The following PCDHA6 variants were observed in gnomAD, a reference collection of about 807,000 sequenced individuals.
PCDHA6 encodes protocadherin alpha-6.
In PCDHA6, 55 loss-of-function variants were observed where a neutral mutation model predicts 60.3. That is an observed-to-expected ratio of 0.91 (90% CI 0.73 to 1.14). PCDHA6 has a LOEUF of 1.14. Ranked by LOEUF, PCDHA6 falls within the 50% of genes most tolerant of loss-of-function variation. The probability of loss-of-function intolerance (pLI) is 0.00; values close to 1 mark genes in which losing one functional copy is unlikely to be tolerated. For synonymous variants in PCDHA6, 652 were observed against 557.9 expected (o/e 1.17, Z -2.38); for missense variants, 1,327 against 1,256.5 (o/e 1.06, Z -0.85).
intron 1 of PCDHA6, among the ~76,000 whole-genome samples, chr5:140,931,040 A>G (rs2087258988): frequency 6.6e-6 from 1 of 152,242 alleles, no homozygotes; most frequent in South Asian, 2.1e-4. Flanking sequence ...GCTAGCAAGA[A>G]AAACTTCAAT....
chr5:140,877,458 G>T lies in PCDHA6; in HGVS notation c.2394+46973G>T, dbSNP rs200155876. 8.2e-5 allele frequency: 133 copies of T among 1,613,696 alleles called. 1 individual carries two copies. The highest frequency in any genetic ancestry group is 2.5e-5 in the Non-Finnish European group (30 of 1,179,864). ...ACGGTGAGCCCGCGCTGACGTCCAC[G>T]GCCACGGTGCTGGTGTCGCTGGTGG... On this transcript the variant is annotated intron_variant, in intron 1 of 3. Transcript: ENST00000529310.
intron 1 of PCDHA6, chr5:140,869,228 G>A (rs782726206): frequency 6.2e-7 from 1 of 1,613,764 alleles, no homozygotes; most frequent in Non-Finnish European, 8.5e-7. Context: ...GCCAAACACG[G>A]CACCTTCGTG....
chr5:140,970,423 G>A (rs2096404787), intron 1 of PCDHA6, among the ~76,000 whole-genome samples: 1 of 151,762 alleles, frequency 6.6e-6, no homozygotes, highest in Admixed American at 6.6e-5. Context: ...AAGGTGTAGA[G>A]GCAGGTGTTA....
In PCDHA6 at chr5:140,850,682, G is replaced by C. The variant is rs2150493727; in HGVS notation, c.2394+20197G>C. On this transcript the variant is annotated intron_variant, in intron 1 of 3. Coordinates refer to ENST00000529310, the MANE Select transcript of PCDHA6 (RefSeq NM_018909.4). The stretch of plus-strand genomic sequence containing the variant: ...TGCGGTGCTCGGCGATGCCCACCGA[G>C]GGCGAGTGCGCGCCTGGCAAGCCGA... The C allele has an allele frequency of 3.1e-5, 50 of 1,598,558 alleles. 3 individuals carry two copies. In the East Asian group the frequency reaches 1.1e-3, roughly 35 times the overall value.
At position 140,828,494 on chromosome 5, in the gene PCDHA6, G is replaced by C. The variant is rs1333830874; in HGVS notation, c.403G>C (p.Val135Leu). Residue 135 changes from valine to leucine, a missense_variant, in exon 1 of 4, where the codon GTA becomes CTA. By Grantham distance (32) the Val-to-Leu change is conservative. Coordinates refer to ENST00000529310, the MANE Select transcript of PCDHA6 (RefSeq NM_018909.4). ...TAACGACAACCCGCCCTTGTTCCCGGTAGAGGAACAAAGAGTGCTGATTTA... is the reference window on the plus strand; with the variant it reads ...TAACGACAACCCGCCCTTGTTCCCGCTAGAGGAACAAAGAGTGCTGATTTA... ...DINDNPPLFP[V>L]EEQRVLIYES... 6.2e-7 allele frequency: 1 copy of C among 1,614,144 alleles called. No homozygotes were observed.
chr5:141,006,029 G>A (rs539375544), intron 3 of PCDHA6, among the ~76,000 whole-genome samples: 12 of 151,322 alleles, frequency 7.9e-5, no homozygotes, highest in Non-Finnish European at 1.2e-4. Context: ...ATAATAGTAA[G>A]AGGGAGATTT....
chr5:140,877,625 A>T (rs1554169929), intron 1 of PCDHA6: 1 of 1,613,774 alleles, frequency 6.2e-7, no homozygotes, highest in Non-Finnish European at 8.5e-7. Context: ...CTGCTGCTGT[A>T]CACTGCGCTG....
chr5:140,985,018 A>G (rs1384418667), intron 3 of PCDHA6, among the ~76,000 whole-genome samples: 2 of 152,026 alleles, frequency 1.3e-5, no homozygotes, highest in Non-Finnish European at 2.9e-5. Flanking sequence ...GCTCACAGCA[A>G]CCTCTGCCTC....
At position 140,962,458 on chromosome 5, in the gene PCDHA6, G is replaced by A. The variant is rs535139362; in HGVS notation, c.2395-16491G>A. ...CCAAAGATGGCTTGAATCTCTTATG[G>A]CTTGAATCTCTTTGTTTATTCTAAG... On this transcript the variant is annotated intron_variant, in intron 1 of 3. Transcript: ENST00000529310. Among the ~76,000 whole-genome samples, 222 of 152,088 alleles carry A rather than the reference G, an allele frequency of 1.5e-3. 9 individuals carry two copies. In the South Asian group the frequency reaches 0.044, roughly 30 times the overall value.
chr5:140,841,387 A>T, intron 1 of PCDHA6: 1 of 1,613,470 alleles, frequency 6.2e-7, no homozygotes. Flanking sequence ...TGCTCCTCGC[A>T]GCCTGGAAGG....
chr5:140,980,110 A>G (rs2096876892), intron 2 of PCDHA6, among the ~76,000 whole-genome samples: 1 of 152,208 alleles, frequency 6.6e-6, no homozygotes, highest in Admixed American at 6.5e-5. Context: ...GTCACATTGG[A>G]ACCTGGGTCA....
chr5:140,858,176 G>A, intron 1 of PCDHA6: 1 of 1,597,746 alleles, frequency 6.3e-7, no homozygotes, highest in Non-Finnish European at 8.6e-7. Flanking sequence ...CAGCTTGCTG[G>A]TGCTCACGCT....
intron 1 of PCDHA6, chr5:140,877,334 C>G (rs375199455): frequency 3.1e-6 from 5 of 1,613,884 alleles, no homozygotes; most frequent in African/African-American, 1.3e-5. Flanking sequence ...GCGCACATCC[C>G]GTTCCACGTG....
intron 1 of PCDHA6, among the ~76,000 whole-genome samples, chr5:140,910,538 AT>A: frequency 6.6e-6 from 1 of 152,180 alleles, no homozygotes; most frequent in Non-Finnish European, 1.5e-5. Context: ...TCACAAATCT[AT>A]TTTGCAAAGT....
In PCDHA6 at chr5:140,902,185, T is replaced by TTC. The variant is rs370111655; in HGVS notation, c.2394+71714_2394+71715dup. On this transcript the variant is annotated intron_variant, in intron 1 of 3. Transcript: ENST00000529310. ...TTCTAATTTGGATGTCCTTTATGTC[T>TTC]TCTCTCTCTCTCTCTTTCTTTTTTT... Among the ~76,000 whole-genome samples the TTC allele has an allele frequency of 1.5e-3, 225 of 150,894 alleles. 1 individual carries two copies. The highest frequency in any genetic ancestry group is 2.6e-3 in the Admixed American group (40 of 15,130).
intron 1 of PCDHA6, chr5:140,928,020 T>G: frequency 1.2e-6 from 2 of 1,614,182 alleles, no homozygotes; most frequent in Middle Eastern, 1.6e-4. Context: ...GTAGGGTCAT[T>G]TGTGGCATGT....
chr5:140,880,736 T>C (rs1554171410), intron 1 of PCDHA6, among the ~76,000 whole-genome samples: 4 of 152,068 alleles, frequency 2.6e-5, no homozygotes, highest in Non-Finnish European at 5.9e-5. Context: ...ATAGAGAAAA[T>C]GGATTGTCAG....
chr5:141,007,470 A>G (rs1395064697), intron 3 of PCDHA6, among the ~76,000 whole-genome samples: 2 of 151,494 alleles, frequency 1.3e-5, no homozygotes. Context: ...CAGGAGGCTG[A>G]GGCACGAGAA....
intron 2 of PCDHA6, 37 bp from the exon 3 acceptor site, chr5:140,982,438 T>G: frequency 3.8e-5 from 61 of 1,608,838 alleles, no homozygotes; most frequent in Non-Finnish European, 4.8e-5. Context: ...AAAGAATTTA[T>G]GATCTAACCG....
Sources: allele counts gnomAD v4.1 joint callset (sites outside exome capture counted in the v4.1 genomes callset), GRCh38; gene constraint gnomAD v4.1.1; transcripts MANE v1.5; gene names NCBI Gene and HGNC (gene_info 2026-07-23, HGNC 2026-07-21).